The following ELP4 variants were observed in gnomAD, a reference collection of about 807,000 sequenced individuals.
ELP4 encodes elongator acetyltransferase complex subunit 4, also known as elongator complex protein 4.
ELP4 carries 51 observed loss-of-function variants against 48.9 expected under a neutral mutation model. That is an observed-to-expected ratio of 1.04 (90% CI 0.83 to 1.32). ELP4 has a LOEUF of 1.32. ELP4 is among the 40% of genes most tolerant of loss of function. The pLI, the probability that ELP4 is intolerant of heterozygous loss-of-function variation, is 0.00. For missense variants in ELP4, 519 were observed against 514.6 expected (o/e 1.01, Z -0.08); for synonymous variants, 210 against 189.2 (o/e 1.11, Z -0.90).
At chr11:31,550,229 T>A (rs1185176814) in intron 3 of ELP4, among the ~76,000 whole-genome samples, 1 of 152,146 alleles carries the variant, frequency 6.6e-6, no homozygotes, top group African/African-American at 2.4e-5. Context: ...TACTTTTATT[T>A]AAGTGAGTAT....
chr11:31,655,667 A>C (rs1439465700), intron 9 of ELP4, among the ~76,000 whole-genome samples: 1 of 151,996 alleles, frequency 6.6e-6, no homozygotes, highest in Non-Finnish European at 1.5e-5. Context: ...TACACGACAC[A>C]ATCATGCGGT....
chr11:31,675,470 AG>A (rs1945903212), intron 9 of ELP4, among the ~76,000 whole-genome samples: 1 of 151,990 alleles, frequency 6.6e-6, no homozygotes, highest in African/African-American at 2.4e-5. Context: ...CTCCATGTTG[AG>A]GCTGGTCTCG....
chr11:31,683,276 T>C (rs1185684948), intron 9 of ELP4, among the ~76,000 whole-genome samples: 2 of 152,200 alleles, frequency 1.3e-5, no homozygotes, highest in African/African-American at 4.8e-5. Context: ...TTTTATGGTG[T>C]CTTGTGTAAG....
intron 7 of ELP4, chr11:31,646,211 T>A (rs148837572): frequency 1.3e-5 from 2 of 151,814 alleles, no homozygotes; most frequent in African/African-American, 4.8e-5. Context: ...TTCCAAACTA[T>A]GTTTTTCTAT....
intron 2 of ELP4, among the ~76,000 whole-genome samples, chr11:31,520,431 A>G (rs920619876): frequency 1.3e-5 from 2 of 152,170 alleles, no homozygotes; most frequent in Admixed American, 6.5e-5. Flanking sequence ...AATTTGGGAA[A>G]TTGAAATACC....
chr11:31,697,198 A>G (rs1946427291), intron 9 of ELP4, among the ~76,000 whole-genome samples: 1 of 152,196 alleles, frequency 6.6e-6, no homozygotes, highest in African/African-American at 2.4e-5. Flanking sequence ...TTAGACTCCC[A>G]CACAATAAAC....
chr11:31,746,182 A>T (rs944443130), intron 9 of ELP4, among the ~76,000 whole-genome samples: 2 of 152,250 alleles, frequency 1.3e-5, no homozygotes, highest in African/African-American at 4.8e-5. Flanking sequence ...TCAAAACCAC[A>T]ATGAGATACC....
chr11:31,519,451 C>A (rs538441784), intron 1 of ELP4, among the ~76,000 whole-genome samples: 1 of 152,206 alleles, frequency 6.6e-6, no homozygotes, highest in South Asian at 2.1e-4. Flanking sequence ...TTATTGGAGT[C>A]CTTAACCACA....
At chr11:31,538,077 C>T (rs565507039) in intron 2 of ELP4, among the ~76,000 whole-genome samples, 3 of 151,982 alleles carry the variant, frequency 2.0e-5, no homozygotes, top group South Asian at 2.1e-4. Flanking sequence ...ACACATATTT[C>T]GTTAAATTTA....
At chr11:31,594,954 C>G in intron 4 of ELP4, 53 bp downstream of exon 4, 2 of 1,471,206 alleles carry the variant, frequency 1.4e-6, no homozygotes, top group East Asian at 5.1e-5. Flanking sequence ...TTGTTTTCAT[C>G]TTACAGAATC....
At chr11:31,640,543 G>A (rs1945073788) in intron 7 of ELP4, among the ~76,000 whole-genome samples, 1 of 151,822 alleles carries the variant, frequency 6.6e-6, no homozygotes, top group African/African-American at 2.4e-5. Flanking sequence ...GCTATATGAA[G>A]AGTTCTTGCT....
intron 5 of ELP4, among the ~76,000 whole-genome samples, chr11:31,626,326 A>G (rs963517355): frequency 6.6e-6 from 1 of 151,784 alleles, no homozygotes; most frequent in African/African-American, 2.4e-5. Context: ...AGGCACTTCA[A>G]TGTCTATGGG....
intron 9 of ELP4, among the ~76,000 whole-genome samples, chr11:31,676,519 G>A (rs576415720): frequency 7.3e-4 from 111 of 152,148 alleles, no homozygotes; most frequent in African/African-American, 2.6e-3. Context: ...TCTTACATAC[G>A]ATAAGGTGCT....
intron 9 of ELP4, among the ~76,000 whole-genome samples, chr11:31,749,539 G>T (rs1947670926): frequency 6.6e-6 from 1 of 152,072 alleles, no homozygotes; most frequent in South Asian, 2.1e-4. Flanking sequence ...CTCTGTCAGT[G>T]ATTTCTAATT....
intron 9 of ELP4, among the ~76,000 whole-genome samples, chr11:31,656,821 A>G (rs540965447): frequency 1.3e-5 from 2 of 152,120 alleles, no homozygotes; most frequent in South Asian, 4.1e-4. Context: ...ACATTTATAT[A>G]TGTGTTTTAT....
intron 4 of ELP4, among the ~76,000 whole-genome samples, chr11:31,598,026 G>A (rs1311266083): frequency 7.6e-6 from 1 of 132,056 alleles, no homozygotes; most frequent in Non-Finnish European, 1.5e-5. Flanking sequence ...CACGATCTCA[G>A]CTCACCGCAA....
At chr11:31,654,643 C>G (rs2134080417) in intron 9 of ELP4, 1 of 151,892 alleles carries the variant, frequency 6.6e-6, no homozygotes, top group East Asian at 1.9e-4. Context: ...ATTGGAAAAG[C>G]ATAAACTCTT....
intron 3 of ELP4, among the ~76,000 whole-genome samples, chr11:31,584,723 C>T (rs1463366115): frequency 6.6e-6 from 1 of 152,076 alleles, no homozygotes; most frequent in Non-Finnish European, 1.5e-5. Flanking sequence ...CGGGGTTTCG[C>T]CGTGTTGGGC....
Position 31,788,940 on chromosome 11 carries a change from G to T in ELP4, c.*5416G>T. ...TTAAAAAGAAAACTGTATAATAAAG[G>T]AAATACAAAGGCTTTGGCATGGTTT... On this transcript the variant is annotated 3_prime_UTR_variant, in exon 10 of 10. Coordinates refer to ENST00000640961, the MANE Select transcript of ELP4 (RefSeq NM_019040.5). The T allele has an allele frequency of 5.0e-6, 1 of 200,144 alleles. No homozygotes were observed. The highest frequency in any genetic ancestry group is 1.0e-5 in the Non-Finnish European group (1 of 96,710). The allele number at this position is 200,144 out of a possible 1,614,324, so 12.4% of individuals were successfully genotyped here. A position where few individuals can be genotyped will look rare whatever the true frequency, so the allele number is the denominator to read the frequency against.
Sources: gnomAD v4.1 joint callset for allele counts (sites outside exome capture counted in the v4.1 genomes callset) on GRCh38, gnomAD v4.1.1 for gene constraint, MANE v1.5 for transcripts, NCBI Gene and HGNC (gene_info 2026-07-23, HGNC 2026-07-21) for gene names.